The following NME7 variants were observed in gnomAD, a reference collection of about 807,000 sequenced individuals.
NME7 encodes the protein NME/NM23 family member 7.
NME7 carries 41 observed loss-of-function variants against 49.1 expected under a neutral mutation model. That is an observed-to-expected ratio of 0.83 (90% CI 0.65 to 1.08). The LOEUF (loss-of-function observed/expected upper bound fraction) is 1.08. NME7 is among the 50% of genes least tolerant of loss of function. NME7 has a pLI of 0.00. For synonymous variants in NME7, 139 were observed against 150.6 expected, an observed-to-expected ratio of 0.92 and a Z score of 0.56; for missense variants, 423 against 463.4, an observed-to-expected ratio of 0.91 and a Z score of 0.80.
intron 10 of NME7, among the ~76,000 whole-genome samples, chr1:169,201,277 T>C (rs1456330000): frequency 6.6e-6 from 1 of 152,080 alleles, no homozygotes; most frequent in Non-Finnish European, 1.5e-5. Context: ...TTCTGCTACA[T>C]AGACAGAAAG....
chr1:169,298,833 T>C (rs1650819877), intron 5 of NME7, 70 bp from the exon 6 acceptor site: 2 of 1,201,386 alleles, frequency 1.7e-6, no homozygotes, highest in Non-Finnish European at 2.4e-6. Flanking sequence ...AACGACAGGA[T>C]ATATTTAAAT....
At chr1:169,186,432 A>G (rs1047911591) in intron 10 of NME7, among the ~76,000 whole-genome samples, 2 of 151,930 alleles carry the variant, frequency 1.3e-5, no homozygotes, top group African/African-American at 4.8e-5. Context: ...TTAAAAACCT[A>G]AATTTCAGAA....
intron 7 of NME7, among the ~76,000 whole-genome samples, chr1:169,268,707 A>C (rs559020565): frequency 7.5e-6 from 1 of 133,690 alleles, no homozygotes; most frequent in African/African-American, 2.5e-5. Context: ...CAAATACCAC[A>C]TGTTCTCACT....
chr1:169,133,627 G>T (rs143909435), intron 11 of NME7, among the ~76,000 whole-genome samples: 1 of 152,304 alleles, frequency 6.6e-6, no homozygotes, highest in Non-Finnish European at 1.5e-5. Flanking sequence ...CAAAAAAATA[G>T]CAAGGGAACT....
At position 169,158,144 on chromosome 1, in the gene NME7, C is replaced by G. The variant is rs535272328; in HGVS notation, c.1098+11303G>C. 1.1e-3 allele frequency among the ~76,000 whole-genome samples: 167 copies of G among 152,280 alleles called. 3 individuals carry two copies. The highest frequency in any genetic ancestry group is 2.5e-4 in the Non-Finnish European group (17 of 68,014). On this transcript the variant is annotated intron_variant, in intron 11 of 11. Coordinates refer to ENST00000367811, the MANE Select transcript of NME7 (RefSeq NM_013330.5). ...TCAGAATCACCTGCAACATAAAATA[C>G]AGTAGTGCCCCCTTATAAGTGGGGA... is the stretch of plus-strand genomic sequence containing the variant.
chr1:169,149,524 T>C (rs1393623098), intron 11 of NME7, among the ~76,000 whole-genome samples: 1 of 152,180 alleles, frequency 6.6e-6, no homozygotes, highest in East Asian at 1.9e-4. Flanking sequence ...AAACCCTACA[T>C]ATACTATGTT....
At chr1:169,321,659 A>G (rs1057148431) in intron 3 of NME7, among the ~76,000 whole-genome samples, 7 of 152,138 alleles carry the variant, frequency 4.6e-5, no homozygotes, top group Admixed American at 2.0e-4. Flanking sequence ...ATCCATCACC[A>G]TTTGTGTACT....
chr1:169,177,169 T>G (rs1659777929), intron 10 of NME7, among the ~76,000 whole-genome samples: 1 of 152,240 alleles, frequency 6.6e-6, no homozygotes, highest in East Asian at 1.9e-4. Flanking sequence ...GCTCAGAAAC[T>G]TCCTCAAAGG....
At chr1:169,154,390 A>C (rs1659003253) in intron 11 of NME7, among the ~76,000 whole-genome samples, 1 of 152,236 alleles carries the variant, frequency 6.6e-6, no homozygotes, top group South Asian at 2.1e-4. Flanking sequence ...TTTAAATAAA[A>C]TAACATGTGG....
chr1:169,309,284 C>T (rs1258176637), intron 4 of NME7, among the ~76,000 whole-genome samples: 1 of 152,104 alleles, frequency 6.6e-6, no homozygotes, highest in South Asian at 2.1e-4. Context: ...CCTAACTTTG[C>T]TTATCTTTAA....
intron 1 of NME7, among the ~76,000 whole-genome samples, chr1:169,331,816 C>A (rs1171040195): frequency 9.4e-5 from 14 of 148,704 alleles, no homozygotes; most frequent in South Asian, 2.1e-4. Context: ...TGAAAAAGAC[C>A]AAAAAAAAAA....
intron 10 of NME7, among the ~76,000 whole-genome samples, chr1:169,181,130 CTATT>C (rs59938293): frequency 0.22 from 27,406 of 122,648 alleles, 2,881 homozygotes; most frequent in Non-Finnish European, 0.28. Context: ...ATAATCCTAT[CTATT>C]TATCTATCTA....
At chr1:169,256,233 T>C (rs958295431) in intron 7 of NME7, among the ~76,000 whole-genome samples, 1 of 133,402 alleles carries the variant, frequency 7.5e-6, no homozygotes, top group African/African-American at 2.5e-5. Flanking sequence ...TTTCACATAG[T>C]CCCATATTTC....
At chr1:169,366,573 A>G (rs1360795052) in intron 1 of NME7, among the ~76,000 whole-genome samples, 2 of 152,240 alleles carry the variant, frequency 1.3e-5, no homozygotes, top group East Asian at 3.8e-4. Flanking sequence ...GCGAAATGTA[A>G]CAGATGGAAG....
chr1:169,179,110 C>T (rs983983695), intron 10 of NME7, among the ~76,000 whole-genome samples: 4 of 152,110 alleles, frequency 2.6e-5, no homozygotes, highest in Middle Eastern at 3.2e-3. Flanking sequence ...CATGAGCCAC[C>T]GCACCTGGCC....
rs112337571 is a variant in NME7 at position 169,223,054 on chromosome 1, T to C, written c.990+7664A>G. Among the ~76,000 whole-genome samples the C allele has an allele frequency of 3.5e-3, 540 of 152,352 alleles. 4 individuals carry two copies. Among genetic ancestry groups the C allele is most frequent in the African/African-American group, 0.012 (510 of 41,578 alleles). On this transcript the variant is annotated intron_variant, in intron 10 of 11. Transcript: ENST00000367811. ...AATCACATGCTGCATTTAGATATCA[T>C]GTCTCTTCAGTGTTTTTCAGTCCTG...
At position 169,223,517 on chromosome 1, in the gene NME7, T is replaced by C. The variant is rs182613356; in HGVS notation, c.990+7201A>G. Among the ~76,000 whole-genome samples, 78 of 152,304 alleles carry C rather than the reference T, an allele frequency of 5.1e-4. 2 individuals carry two copies. In the East Asian group the frequency reaches 0.013, roughly 24 times the overall value. On this transcript the variant is annotated intron_variant, in intron 10 of 11. Coordinates refer to ENST00000367811, the MANE Select transcript of NME7 (RefSeq NM_013330.5). ...TAACGTGTTGCTATCATGATTTACT[T>C]AGATGCTCAAATTGGTTTCGATTCA...
intron 11 of NME7, among the ~76,000 whole-genome samples, chr1:169,148,048 G>A (rs1174965316): frequency 6.6e-6 from 1 of 151,730 alleles, no homozygotes; most frequent in Admixed American, 6.6e-5. Context: ...TGTTGCCCAG[G>A]CTGGAGTGCA....
At chr1:169,355,120 C>A (rs181322665) in intron 1 of NME7, among the ~76,000 whole-genome samples, 1 of 22,494 alleles carries the variant, frequency 4.4e-5, no homozygotes, top group Non-Finnish European at 7.9e-5. Flanking sequence ...ATATAATATA[C>A]TATATATTAT....
Sources: allele counts gnomAD v4.1 joint callset (sites outside exome capture counted in the v4.1 genomes callset), GRCh38; gene constraint gnomAD v4.1.1; transcripts MANE v1.5; gene names NCBI Gene and HGNC (gene_info 2026-07-23, HGNC 2026-07-21).